Variants in CAMK1D observed in about 807,000 individuals in gnomAD.
CAMK1D encodes the protein calcium/calmodulin dependent protein kinase ID, also known as calcium/calmodulin-dependent protein kinase type 1D.
Under a neutral mutation model 47.7 loss-of-function variants are expected in CAMK1D, and 9 were observed. That is an observed-to-expected ratio of 0.19 (90% confidence interval 0.11 to 0.33). CAMK1D has a LOEUF of 0.33. Among genes scored for constraint, CAMK1D ranks in the 10% least tolerant of loss-of-function variants. CAMK1D has a pLI of 1.00. For synonymous variants in CAMK1D, 184 were observed against 184.9 expected (o/e 0.99, Z 0.04); for missense variants, 291 against 488.7 (o/e 0.60, Z 3.81).
chr10:12,545,171 A>AT (rs1836320959), intron 1 of CAMK1D, among the ~76,000 whole-genome samples: 1 of 18,754 alleles, frequency 5.3e-5, no homozygotes, highest in Non-Finnish European at 1.5e-4. Context: ...TTTAAGCCAC[A>AT]TTTTTTTCAG....
At chr10:12,677,426 G>T (rs900862051) in intron 3 of CAMK1D, among the ~76,000 whole-genome samples, 7 of 152,094 alleles carry the variant, frequency 4.6e-5, no homozygotes, top group Admixed American at 4.6e-4. Flanking sequence ...TTAGCATTGC[G>T]GGGGTGGGAA....
At chr10:12,453,800 C>G (rs958924024) in intron 1 of CAMK1D, among the ~76,000 whole-genome samples, 9 of 152,150 alleles carry the variant, frequency 5.9e-5, no homozygotes, top group African/African-American at 2.2e-4. Context: ...TATCATGGAG[C>G]CTTGCCTGTT....
chr10:12,792,252 C>A (rs761377337), intron 6 of CAMK1D, among the ~76,000 whole-genome samples: 2 of 151,952 alleles, frequency 1.3e-5, no homozygotes, highest in Non-Finnish European at 2.9e-5. Flanking sequence ...AATTCTAGGC[C>A]ATAGGCTTGT....
intron 1 of CAMK1D, among the ~76,000 whole-genome samples, chr10:12,550,373 C>T (rs556588139): frequency 5.3e-5 from 8 of 152,288 alleles, no homozygotes; most frequent in Admixed American, 4.6e-4. Context: ...TGTTCTACCT[C>T]CCGGAGGGTA....
intron 1 of CAMK1D, among the ~76,000 whole-genome samples, chr10:12,402,946 A>T (rs1230712630): frequency 6.6e-6 from 1 of 152,104 alleles, no homozygotes; most frequent in Non-Finnish European, 1.5e-5. Context: ...GGAGCTCTCC[A>T]GGGCTAGAAT....
At chr10:12,678,580 G>A (rs758010770) in intron 3 of CAMK1D, among the ~76,000 whole-genome samples, 1 of 152,062 alleles carries the variant, frequency 6.6e-6, no homozygotes, top group Non-Finnish European at 1.5e-5. Context: ...ATTGAAAGTG[G>A]GGTATTGAAG....
intron 1 of CAMK1D, among the ~76,000 whole-genome samples, chr10:12,492,749 C>T (rs758666246): frequency 1.3e-5 from 2 of 152,216 alleles, no homozygotes; most frequent in Non-Finnish European, 2.9e-5. Context: ...AGATTCTCAC[C>T]ACCCCAAGGA....
chr10:12,590,164 T>C (rs1295235140), intron 2 of CAMK1D, among the ~76,000 whole-genome samples: 1 of 152,232 alleles, frequency 6.6e-6, no homozygotes, highest in Non-Finnish European at 1.5e-5. Context: ...GCGGAGTTAA[T>C]GATATGCATA....
rs71386105 is a variant in CAMK1D at position 12,611,588 on chromosome 10, C to CTTTTTTTTTTTTTTTTTTTTTTTT, written c.225-55127_225-55126insTTTTTTTTTTTTTTTTTTTTTTTT. 2.0e-3 allele frequency among the ~76,000 whole-genome samples: 121 copies of CTTTTTTTTTTTTTTTTTTTTTTTT among 59,950 alleles called. 26 individuals are homozygous for CTTTTTTTTTTTTTTTTTTTTTTTT. Among genetic ancestry groups the CTTTTTTTTTTTTTTTTTTTTTTTT allele is most frequent in the East Asian group, 6.7e-3 (9 of 1,340 alleles). 39.3% of individuals were successfully genotyped at this position (59,950 alleles called of 152,430 possible). A position where few individuals can be genotyped will look rare whatever the true frequency, so the allele number is the denominator to read the frequency against. On this transcript the variant is annotated intron_variant, in intron 2 of 10. Coordinates refer to ENST00000619168, the MANE Select transcript of CAMK1D (RefSeq NM_153498.4). ...CAGTTCCCTGAATGTTTCAGAATGC[C>CTTTTTTTTTTTTTTTTTTTTTTTT]TTTTTTTTTTTTTTTTTTTTTGAGA...
Position 12,584,266 on chromosome 10 carries a change from A to G in CAMK1D, c.224+30910A>G, listed in dbSNP as rs1007811459. Reference sequence around the variant, plus strand: ...GATAATTAAGGATAAGTAAAATGTGATTCTCCAGGAAGAGAAAATTGGATT... The same window carrying G: ...GATAATTAAGGATAAGTAAAATGTGGTTCTCCAGGAAGAGAAAATTGGATT... On this transcript the variant is annotated intron_variant, in intron 2 of 10. Coordinates refer to ENST00000619168, the MANE Select transcript of CAMK1D (RefSeq NM_153498.4). 2.0e-5 allele frequency among the ~76,000 whole-genome samples: 3 copies of G among 152,212 alleles called. No homozygotes were observed. In the East Asian group the frequency reaches 5.8e-4, roughly 29 times the overall value.
chr10:12,442,208 G>A (rs1254634376), intron 1 of CAMK1D, among the ~76,000 whole-genome samples: 2 of 152,132 alleles, frequency 1.3e-5, no homozygotes, highest in Non-Finnish European at 2.9e-5. Flanking sequence ...GAGGCCGGGC[G>A]CGGTGGCTCA....
At chr10:12,675,334 T>C (rs10795975) in intron 3 of CAMK1D, among the ~76,000 whole-genome samples, 70,782 of 151,974 alleles carry the variant, frequency 0.47, 16,924 homozygotes, top group East Asian at 0.51. Context: ...TCTCAGCAGT[T>C]CCATTTGGCC....
intron 8 of CAMK1D, among the ~76,000 whole-genome samples, chr10:12,822,761 G>A (rs749627592): frequency 2.6e-5 from 4 of 152,124 alleles, no homozygotes; most frequent in African/African-American, 7.2e-5. Flanking sequence ...TGGGCTCTCC[G>A]GGGAAAAAAG....
intron 3 of CAMK1D, among the ~76,000 whole-genome samples, chr10:12,717,364 C>T (rs1365822039): frequency 1.3e-5 from 2 of 152,132 alleles, no homozygotes; most frequent in African/African-American, 2.4e-5. Flanking sequence ...ATAATCACCA[C>T]CATTCCCAGT....
At chr10:12,434,352 G>C (rs1259866653) in intron 1 of CAMK1D, among the ~76,000 whole-genome samples, 1 of 152,166 alleles carries the variant, frequency 6.6e-6, no homozygotes, top group Non-Finnish European at 1.5e-5. Flanking sequence ...CTGTAAACGA[G>C]TGCCCTTCAG....
intron 1 of CAMK1D, among the ~76,000 whole-genome samples, chr10:12,367,466 CTAT>C (rs1228116985): frequency 6.6e-6 from 1 of 151,674 alleles, no homozygotes; most frequent in Non-Finnish European, 1.5e-5. Flanking sequence ...TTATTATTAC[CTAT>C]TATTATATTT....
intron 4 of CAMK1D, among the ~76,000 whole-genome samples, chr10:12,768,056 A>G (rs533959193): frequency 1.2e-4 from 18 of 152,210 alleles, no homozygotes; most frequent in South Asian, 4.1e-4. Flanking sequence ...TATTTTTAGT[A>G]GAGACGGGGT....
chr10:12,580,839 A>G (rs1367769642), intron 2 of CAMK1D, among the ~76,000 whole-genome samples: 1 of 152,178 alleles, frequency 6.6e-6, no homozygotes, highest in African/African-American at 2.4e-5. Flanking sequence ...GCTAACATAT[A>G]TTTATTATTG....
chr10:12,408,847 TC>T (rs1839546704), intron 1 of CAMK1D, among the ~76,000 whole-genome samples: 1 of 112,784 alleles, frequency 8.9e-6, no homozygotes, highest in South Asian at 3.0e-4. Context: ...TTTCTTTCTT[TC>T]TTTTTTTTTT....
Sources: allele counts gnomAD v4.1 joint callset (sites outside exome capture counted in the v4.1 genomes callset), GRCh38; gene constraint gnomAD v4.1.1; transcripts MANE v1.5; gene names NCBI Gene and HGNC (gene_info 2026-07-23, HGNC 2026-07-21).